The following ACCSL variants were observed in gnomAD, a reference collection of about 807,000 sequenced individuals.
The protein encoded by ACCSL is 1-aminocyclopropane-1-carboxylate synthase homolog (inactive) like.
ACCSL carries 55 observed loss-of-function variants against 61.7 expected under a neutral mutation model. The observed-to-expected ratio is 0.89, with a 90% CI of 0.72 to 1.12. The LOEUF (loss-of-function observed/expected upper bound fraction) is 1.12. Ranked by LOEUF, ACCSL falls within the 50% of genes most tolerant of loss-of-function variation. The pLI, the probability that ACCSL is intolerant of heterozygous loss-of-function variation, is 0.00. For missense variants in ACCSL, 632 were observed against 698.0 expected (o/e 0.91, Z 1.07); for synonymous variants, 258 against 264.3 (o/e 0.98, Z 0.23).
the ACCSL span, among the ~76,000 whole-genome samples, chr11:43,992,243 C>T: frequency 1.3e-5 from 2 of 151,398 alleles, no homozygotes; most frequent in African/African-American, 2.4e-5. Flanking sequence ...TTGTTGAGAC[C>T]GGGTTTTGCA....
In ACCSL at chr11:44,056,924, T is replaced by G. The variant is rs539109170; in HGVS notation, c.1327+598T>G. ...CCAGATGTGGGATGGCTAATCGTAC[T>G]CTAAGTTGTGAAGGTAGGAACTTCA... On this transcript the variant is annotated intron_variant, in intron 11 of 13. Transcript: ENST00000378832. Among the ~76,000 whole-genome samples the G allele has an allele frequency of 7.2e-4, 109 of 152,348 alleles. 2 individuals are homozygous for G. The highest frequency in any genetic ancestry group is 2.5e-3 in the African/African-American group (105 of 41,576).
At chr11:44,024,439 C>CTGTG in the ACCSL span, among the ~76,000 whole-genome samples, 18 of 48,964 alleles carry the variant, frequency 3.7e-4, no homozygotes, top group African/African-American at 1.1e-3. Context: ...CTCTCTCTCT[C>CTGTG]TCTGTGTGTG....
At chr11:43,938,478 T>C in the ACCSL span, among the ~76,000 whole-genome samples, 1 of 152,220 alleles carries the variant, frequency 6.6e-6, no homozygotes, top group African/African-American at 2.4e-5. Context: ...TTATGAAGTC[T>C]ATCTTCCATA....
At chr11:43,977,208 C>T in the ACCSL span, among the ~76,000 whole-genome samples, 9 of 152,180 alleles carry the variant, frequency 5.9e-5, no homozygotes, top group African/African-American at 2.2e-4. Context: ...AGAATAATGG[C>T]TCTCCACTAT....
the ACCSL span, among the ~76,000 whole-genome samples, chr11:44,034,585 A>C: frequency 6.6e-6 from 1 of 152,180 alleles, no homozygotes; most frequent in Non-Finnish European, 1.5e-5. Context: ...GAGCTTGTAC[A>C]GGGAAATTCC....
chr11:44,017,150 C>T, the ACCSL span, among the ~76,000 whole-genome samples: 22,022 of 152,100 alleles, frequency 0.14, 1,778 homozygotes, highest in East Asian at 0.29. Flanking sequence ...AAGGACTTGT[C>T]TATGGGGGTC....
At chr11:43,996,676 A>G in the ACCSL span, among the ~76,000 whole-genome samples, 1 of 152,056 alleles carries the variant, frequency 6.6e-6, no homozygotes, top group African/African-American at 2.4e-5. Context: ...TCCCAGAGGA[A>G]AGTTTGGACT....
the ACCSL span, among the ~76,000 whole-genome samples, chr11:43,976,714 C>G: frequency 2.0e-5 from 3 of 152,088 alleles, no homozygotes; most frequent in Non-Finnish European, 4.4e-5. Flanking sequence ...TTCCTGGGCC[C>G]AGGCCTGGAA....
the ACCSL span, among the ~76,000 whole-genome samples, chr11:43,958,643 G>A: frequency 6.6e-6 from 1 of 152,198 alleles, no homozygotes; most frequent in East Asian, 1.9e-4. Flanking sequence ...CAGTCTATCG[G>A]AGGGCTTACA....
chr11:44,019,523 C>A, the ACCSL span, among the ~76,000 whole-genome samples: 390 of 152,178 alleles, frequency 2.6e-3, 3 homozygotes, highest in South Asian at 0.011. Context: ...TTTTCATGGG[C>A]TTGTTGGCAC....
At chr11:43,958,660 T>A in the ACCSL span, among the ~76,000 whole-genome samples, 1 of 152,214 alleles carries the variant, frequency 6.6e-6, no homozygotes, top group Non-Finnish European at 1.5e-5. Flanking sequence ...TACAATTTTA[T>A]TTTTGGTTTA....
the ACCSL span, among the ~76,000 whole-genome samples, chr11:44,036,026 A>G: frequency 6.6e-6 from 1 of 151,990 alleles, no homozygotes; most frequent in Non-Finnish European, 1.5e-5. Flanking sequence ...TTTCTGGAGA[A>G]GGGGAGAACT....
chr11:43,997,821 T>C, the ACCSL span, among the ~76,000 whole-genome samples: 2 of 152,332 alleles, frequency 1.3e-5, no homozygotes, highest in South Asian at 4.1e-4. Flanking sequence ...GATTCAGCAG[T>C]GCTAGCAGCA....
chr11:43,973,228 G>A, the ACCSL span, among the ~76,000 whole-genome samples: 1 of 152,170 alleles, frequency 6.6e-6, no homozygotes, highest in Non-Finnish European at 1.5e-5. Context: ...AACAGGTGTG[G>A]ATACAGGTTT....
the ACCSL span, among the ~76,000 whole-genome samples, chr11:43,922,922 A>G: frequency 7.1e-3 from 1,078 of 152,326 alleles, 27 homozygotes; most frequent in East Asian, 0.057. Flanking sequence ...TGGAACACAC[A>G]CTTAGCACCA....
chr11:44,028,694 G>A, the ACCSL span, among the ~76,000 whole-genome samples: 1 of 152,182 alleles, frequency 6.6e-6, no homozygotes, highest in African/African-American at 2.4e-5. Flanking sequence ...TGATAGAGCA[G>A]CCTTGCCCAA....
chr11:43,968,110 A>G, the ACCSL span, among the ~76,000 whole-genome samples: 3 of 152,134 alleles, frequency 2.0e-5, no homozygotes, highest in South Asian at 2.1e-4. Flanking sequence ...TGCTACTGGC[A>G]TCTAGTAAGT....
At chr11:44,008,291 C>G in the ACCSL span, among the ~76,000 whole-genome samples, 5 of 152,096 alleles carry the variant, frequency 3.3e-5, no homozygotes, top group Admixed American at 3.3e-4. Flanking sequence ...ACAGTTTTTC[C>G]CTGGGATGCG....
chr11:44,019,957 C>T, the ACCSL span, among the ~76,000 whole-genome samples: 2 of 152,184 alleles, frequency 1.3e-5, no homozygotes, highest in African/African-American at 4.8e-5. Context: ...TAATTCCATC[C>T]TTTTGCATGT....
Sources: allele counts gnomAD v4.1 joint callset (sites outside exome capture counted in the v4.1 genomes callset), GRCh38; gene constraint gnomAD v4.1.1; transcripts MANE v1.5; gene names NCBI Gene and HGNC (gene_info 2026-07-23, HGNC 2026-07-21).